Variants in CNTN1 observed in about 807,000 individuals in gnomAD.
CNTN1 encodes the protein contactin-1.
Under a neutral mutation model 126.4 loss-of-function variants are expected in CNTN1, and 38 were observed. That is an observed-to-expected ratio of 0.30 (90% CI 0.23 to 0.39). CNTN1 has a LOEUF of 0.39. CNTN1 is among the 10% of genes least tolerant of loss of function. CNTN1 has a pLI of 1.00. For synonymous variants in CNTN1, 413 were observed against 422.6 expected (o/e 0.98, Z 0.28); for missense variants, 1,009 against 1,248.4 (o/e 0.81, Z 2.89).
At chr12:40,847,261 G>A (rs559798356) in intron 1 of CNTN1, among the ~76,000 whole-genome samples, 6 of 152,194 alleles carry the variant, frequency 3.9e-5, no homozygotes, top group South Asian at 2.1e-4. Flanking sequence ...AATTAATAAC[G>A]TAAAAAAGAC....
At chr12:40,865,889 A>G (rs934707537) in intron 1 of CNTN1, among the ~76,000 whole-genome samples, 6 of 152,072 alleles carry the variant, frequency 3.9e-5, no homozygotes, top group African/African-American at 7.2e-5. Flanking sequence ...GATTACATTC[A>G]ATCTGTAGAA....
chr12:40,773,658 C>CATAT (rs1255206640), intron 1 of CNTN1, among the ~76,000 whole-genome samples: 21 of 8,286 alleles, frequency 2.5e-3, no homozygotes, highest in African/African-American at 4.4e-3. Context: ...TATATATACA[C>CATAT]ATATATATAT....
chr12:40,860,830 A>C (rs1189209236), intron 1 of CNTN1, among the ~76,000 whole-genome samples: 1 of 152,078 alleles, frequency 6.6e-6, no homozygotes. Flanking sequence ...ATTGGCAGAA[A>C]GTTTGAGGTG....
chr12:41,009,888 G>C (rs1398796110), intron 17 of CNTN1, among the ~76,000 whole-genome samples: 1 of 152,142 alleles, frequency 6.6e-6, no homozygotes, highest in Non-Finnish European at 1.5e-5. Flanking sequence ...GACAGAGTTT[G>C]TCCTGGGGCT....
chr12:40,889,260 A>T (rs1196527755), intron 1 of CNTN1, among the ~76,000 whole-genome samples: 1 of 152,232 alleles, frequency 6.6e-6, no homozygotes, highest in African/African-American at 2.4e-5. Flanking sequence ...TTGAGTGGAA[A>T]AAACAAAGAT....
At chr12:40,937,330 G>T (rs1365313743) in intron 10 of CNTN1, among the ~76,000 whole-genome samples, 2 of 152,032 alleles carry the variant, frequency 1.3e-5, no homozygotes, top group African/African-American at 4.8e-5. Flanking sequence ...TCTCCCAGCT[G>T]GTCCAAGAGG....
intron 1 of CNTN1, among the ~76,000 whole-genome samples, chr12:40,813,536 A>G (rs1482194182): frequency 6.6e-6 from 1 of 152,044 alleles, no homozygotes; most frequent in East Asian, 1.9e-4. Flanking sequence ...ATTCCTTTTT[A>G]TGTCTGCATA....
At chr12:40,936,037 C>A (rs1011898148) in intron 9 of CNTN1, among the ~76,000 whole-genome samples, 4 of 151,964 alleles carry the variant, frequency 2.6e-5, no homozygotes, top group Admixed American at 6.6e-5. Context: ...TATTTATCTG[C>A]ATTTATTTGG....
At chr12:40,957,322 C>T (rs1053404231) in intron 14 of CNTN1, among the ~76,000 whole-genome samples, 18 of 151,742 alleles carry the variant, frequency 1.2e-4, no homozygotes, top group African/African-American at 3.6e-4. Flanking sequence ...TGGCTGCCAA[C>T]AAGATGGCAG....
At chr12:41,062,348 A>G (rs1323380120) in intron 23 of CNTN1, among the ~76,000 whole-genome samples, 1 of 152,236 alleles carries the variant, frequency 6.6e-6, no homozygotes, top group Non-Finnish European at 1.5e-5. Context: ...AAATGTTAAC[A>G]GTAACCTCAC....
intron 1 of CNTN1, 95 bp from the exon 2 acceptor site, chr12:40,908,262 C>A: frequency 3.6e-6 from 2 of 557,758 alleles, no homozygotes; most frequent in Non-Finnish European, 6.4e-6. Context: ...TTCCAATTTC[C>A]TTCCCTTTCT....
intron 1 of CNTN1, among the ~76,000 whole-genome samples, chr12:40,771,583 G>A (rs1939337409): frequency 6.6e-6 from 1 of 151,922 alleles, no homozygotes; most frequent in South Asian, 2.1e-4. Context: ...TTCAGGATTA[G>A]TCAATGATAG....
chr12:40,932,058 C>A (rs190603849), intron 7 of CNTN1, among the ~76,000 whole-genome samples: 14 of 152,042 alleles, frequency 9.2e-5, no homozygotes, highest in Non-Finnish European at 1.5e-4. Context: ...ATGCTCCATC[C>A]TTTAAAAATG....
intron 14 of CNTN1, among the ~76,000 whole-genome samples, chr12:40,948,829 C>T (rs1248342702): frequency 6.6e-6 from 1 of 152,218 alleles, no homozygotes; most frequent in Non-Finnish European, 1.5e-5. Flanking sequence ...ATTCTCCCTA[C>T]ACTGTTGGCC....
At chr12:40,780,232 A>C in intron 1 of CNTN1, among the ~76,000 whole-genome samples, 1 of 151,958 alleles carries the variant, frequency 6.6e-6, no homozygotes, top group East Asian at 1.9e-4. Flanking sequence ...GATCATGGGA[A>C]GCTATGTATC....
At chr12:40,814,969 G>T (rs1941210480) in intron 1 of CNTN1, among the ~76,000 whole-genome samples, 1 of 151,966 alleles carries the variant, frequency 6.6e-6, no homozygotes, top group East Asian at 1.9e-4. Flanking sequence ...GTGAATGGGA[G>T]TTCACTCATG....
intron 17 of CNTN1, among the ~76,000 whole-genome samples, chr12:41,008,890 G>C (rs1402900280): frequency 6.6e-6 from 1 of 152,196 alleles, no homozygotes; most frequent in Non-Finnish European, 1.5e-5. Flanking sequence ...AACTAAAAAA[G>C]CATACTTGGA....
intron 1 of CNTN1, among the ~76,000 whole-genome samples, chr12:40,731,365 A>G (rs940867073): frequency 7.2e-5 from 11 of 152,054 alleles, no homozygotes; most frequent in African/African-American, 2.7e-4. Flanking sequence ...TTAGTAAACC[A>G]TAAATGACTA....
At chr12:41,006,987 C>CTT (rs1311712658) in intron 17 of CNTN1, among the ~76,000 whole-genome samples, 2 of 144,720 alleles carry the variant, frequency 1.4e-5, no homozygotes, top group South Asian at 2.3e-4. Context: ...GAGAGAAAAA[C>CTT]TTGGAGAGAA....
Sources: allele counts gnomAD v4.1 joint callset (sites outside exome capture counted in the v4.1 genomes callset), GRCh38; gene constraint gnomAD v4.1.1; transcripts MANE v1.5; gene names NCBI Gene and HGNC (gene_info 2026-07-23, HGNC 2026-07-21).